Variants in SGIP1 observed in about 807,000 individuals in gnomAD.
The protein encoded by SGIP1 is SH3GL interacting endocytic adaptor 1, also known as SH3-containing GRB2-like protein 3-interacting protein 1.
Under a neutral mutation model 107.5 loss-of-function variants are expected in SGIP1, and 38 were observed. That is an observed-to-expected ratio of 0.35 (90% CI 0.27 to 0.46). SGIP1 has a LOEUF of 0.46. Among genes scored for constraint, SGIP1 ranks in the 20% least tolerant of loss-of-function variants. The pLI, the probability that SGIP1 is intolerant of heterozygous loss-of-function variation, is 1.00. For missense variants in SGIP1, 929 were observed against 1,019.5 expected, an observed-to-expected ratio of 0.91 and a Z score of 1.21; for synonymous variants, 365 against 366.1, an observed-to-expected ratio of 1.00 and a Z score of 0.03.
intron 1 of SGIP1, among the ~76,000 whole-genome samples, chr1:66,580,475 C>A: frequency 6.6e-6 from 1 of 152,134 alleles, no homozygotes. Context: ...CTCAAAACTC[C>A]CTATCTACCT....
chr1:66,634,177 CTG>C (rs1334071421), intron 3 of SGIP1: 1 of 1,604,462 alleles, frequency 6.2e-7, no homozygotes, highest in Non-Finnish European at 8.5e-7. Context: ...CTCTCTGCTT[CTG>C]TGTCTCTTCT....
chr1:66,652,615 A>T (rs769230697), intron 7 of SGIP1, among the ~76,000 whole-genome samples: 2 of 152,164 alleles, frequency 1.3e-5, no homozygotes, highest in Non-Finnish European at 2.9e-5. Context: ...TGCCTGTTCC[A>T]TGTGGCCCAC....
intron 5 of SGIP1, 57 bp from the exon 6 acceptor site, chr1:66,642,752 AT>A (rs2077010421): frequency 7.0e-6 from 10 of 1,438,264 alleles, no homozygotes; most frequent in East Asian, 2.3e-5. Context: ...TAGAAAAAAA[AT>A]AATTTCTTGA....
chr1:66,598,550 G>C (rs1347330229), intron 1 of SGIP1, among the ~76,000 whole-genome samples: 2 of 152,088 alleles, frequency 1.3e-5, no homozygotes, highest in Non-Finnish European at 2.9e-5. Context: ...ATTGGCCCAC[G>C]GTTCTGCAGG....
rs543244816 is a variant in SGIP1, at chr1:66,577,170, T to A, written c.10+42802T>A. On this transcript the variant is annotated intron_variant, in intron 1 of 24. Coordinates refer to ENST00000371037, the MANE Select transcript of SGIP1 (RefSeq NM_032291.4). ...CCTTCTCTTATCTCTGCCTGTTAAATGTCTTGCCCATTCTTTGAGATTTGT... is the reference window on the plus strand; with the variant it reads ...CCTTCTCTTATCTCTGCCTGTTAAAAGTCTTGCCCATTCTTTGAGATTTGT... Among the ~76,000 whole-genome samples, 12 of 152,318 alleles carry A rather than the reference T, an allele frequency of 7.9e-5. No individual in the cohort carries two copies. The East Asian group carries it at 2.1e-3, about 27-fold the overall frequency.
At chr1:66,607,742 A>G (rs1265254112) in intron 1 of SGIP1, among the ~76,000 whole-genome samples, 2 of 152,180 alleles carry the variant, frequency 1.3e-5, no homozygotes, top group Non-Finnish European at 2.9e-5. Context: ...GGTGAAGCCT[A>G]CTTAAAAAGT....
At chr1:66,628,342 C>T (rs372534056) in intron 2 of SGIP1, 1 of 154,472 alleles carries the variant, frequency 6.5e-6, no homozygotes, top group African/African-American at 2.4e-5. Flanking sequence ...TGCCAAAACT[C>T]CATGGCTTTG....
At chr1:66,534,027 G>A, upstream of SGIP1, 2 of 416,774 alleles carry the variant, frequency 4.8e-6, no homozygotes, top group Non-Finnish European at 8.7e-6. Flanking sequence ...TGTGCTCTCC[G>A]GGGGTATTGT....
chr1:66,633,733 G>A (rs1252573027), intron 3 of SGIP1, among the ~76,000 whole-genome samples: 1 of 151,974 alleles, frequency 6.6e-6, no homozygotes, highest in Admixed American at 6.5e-5. Flanking sequence ...AGTCTGCACC[G>A]ACTCCTAAAA....
At chr1:66,584,421 T>C (rs551850688) in intron 1 of SGIP1, among the ~76,000 whole-genome samples, 2 of 152,284 alleles carry the variant, frequency 1.3e-5, no homozygotes, top group Non-Finnish European at 2.9e-5. Flanking sequence ...TGCCTAACAG[T>C]GCAAATATCT....
At position 66,750,036 on chromosome 1, in the gene SGIP1, G is replaced by GT. The variant is rs1557865975; in HGVS notation, c.*6941_*6942insT. ...CTCTCTTTCTCTGTGTGTGTGTGGG[G>GT]GTGTGTGTGTGTGTGTGTGTGTGTG... On this transcript the variant is annotated 3_prime_UTR_variant, in exon 25 of 25. Coordinates refer to ENST00000371037, the MANE Select transcript of SGIP1 (RefSeq NM_032291.4). 0.011 allele frequency among the ~76,000 whole-genome samples: 1,258 copies of GT among 119,162 alleles called. 11 individuals carry two copies. The highest frequency in any genetic ancestry group is 0.053 in the East Asian group (216 of 4,096). 78.2% of individuals were successfully genotyped at this position (119,162 alleles called of 152,430 possible).
chr1:66,722,026 C>T (rs766128185), intron 19 of SGIP1, among the ~76,000 whole-genome samples: 7 of 152,092 alleles, frequency 4.6e-5, no homozygotes, highest in Non-Finnish European at 1.0e-4. Flanking sequence ...AGCCTCACCC[C>T]GTGGCCGTGT....
intron 18 of SGIP1, among the ~76,000 whole-genome samples, chr1:66,718,907 G>A (rs1464126216): frequency 6.6e-6 from 1 of 152,066 alleles, no homozygotes; most frequent in African/African-American, 2.4e-5. Flanking sequence ...TTTGAGTATG[G>A]GCAATTGATT....
At chr1:66,685,872 G>A (rs1005569891) in intron 15 of SGIP1, among the ~76,000 whole-genome samples, 1 of 152,170 alleles carries the variant, frequency 6.6e-6, no homozygotes, top group Non-Finnish European at 1.5e-5. Context: ...AGCTCTATTA[G>A]TAATGTTTCA....
In SGIP1 at chr1:66,750,486, G is replaced by C. The variant is rs2094609402; in HGVS notation, c.*7391G>C. ...GATTTGGTGGTAGCCTTTATTTAGA[G>C]CTCTCTTTGATCTATGTAGCAAAAA... On this transcript the variant is annotated 3_prime_UTR_variant, in exon 25 of 25. Transcript: ENST00000371037. Among the ~76,000 whole-genome samples the C allele has an allele frequency of 6.6e-6, 1 of 152,040 alleles. No homozygotes were observed. Among genetic ancestry groups the C allele is most frequent in the South Asian group, 2.1e-4 (1 of 4,824 alleles).
intron 18 of SGIP1, among the ~76,000 whole-genome samples, chr1:66,697,392 CAAGAG>C (rs1353188337): frequency 6.6e-6 from 1 of 151,992 alleles, no homozygotes; most frequent in African/African-American, 2.4e-5. Flanking sequence ...CAATTTGGGC[CAAGAG>C]AAGTCATGCA....
intron 18 of SGIP1, among the ~76,000 whole-genome samples, chr1:66,708,322 T>C (rs1412434388): frequency 1.3e-5 from 2 of 152,164 alleles, no homozygotes; most frequent in Non-Finnish European, 2.9e-5. Flanking sequence ...ATATATTTAT[T>C]CATATTCTTC....
intron 1 of SGIP1, among the ~76,000 whole-genome samples, chr1:66,548,193 A>C (rs138491250): frequency 2.0e-5 from 3 of 152,166 alleles, no homozygotes. Flanking sequence ...GATGGACTTT[A>C]GTAGCTACAG....
chr1:66,592,640 A>T (rs12039282), intron 1 of SGIP1, among the ~76,000 whole-genome samples: 26,700 of 152,124 alleles, frequency 0.18, 2,497 homozygotes, highest in East Asian at 0.31. Context: ...ATTGACTCTT[A>T]GTGGTGTACA....
Sources: gnomAD v4.1 joint callset for allele counts (sites outside exome capture counted in the v4.1 genomes callset) on GRCh38, gnomAD v4.1.1 for gene constraint, MANE v1.5 for transcripts, NCBI Gene and HGNC (gene_info 2026-07-23, HGNC 2026-07-21) for gene names.